The following LRRIQ3 variants were observed in gnomAD, a reference collection of about 807,000 sequenced individuals.
LRRIQ3 encodes leucine rich repeats and IQ motif containing 3.
A neutral mutation model predicts 59.3 loss-of-function variants in LRRIQ3; 75 were observed. The ratio of observed to expected loss-of-function variants is 1.26; its 90% CI spans 1.05 to 1.53. LRRIQ3 has a LOEUF of 1.53. Among genes scored for constraint, LRRIQ3 ranks in the 40% most tolerant of loss-of-function variants. The probability of loss-of-function intolerance (pLI) is 0.00; values close to 1 mark genes in which losing one functional copy is unlikely to be tolerated. For missense variants in LRRIQ3, 831 were observed against 710.0 expected, an observed-to-expected ratio of 1.17 and a Z score of -1.94; for synonymous variants, 250 against 231.3, an observed-to-expected ratio of 1.08 and a Z score of -0.73.
At chr1:74,115,681 T>C (rs541040347) in intron 4 of LRRIQ3, among the ~76,000 whole-genome samples, 1 of 152,222 alleles carries the variant, frequency 6.6e-6, no homozygotes, top group East Asian at 1.9e-4. Flanking sequence ...GGATCTTTCA[T>C]GAAATAACTC....
At chr1:74,134,486 C>T (rs751004281) in intron 4 of LRRIQ3, among the ~76,000 whole-genome samples, 9 of 151,782 alleles carry the variant, frequency 5.9e-5, no homozygotes, top group African/African-American at 1.9e-4. Context: ...TAAATACATA[C>T]GTTAATTTCA....
intron 6 of LRRIQ3, among the ~76,000 whole-genome samples, chr1:74,063,058 C>T (rs1444340424): frequency 8.1e-5 from 5 of 61,748 alleles, no homozygotes; most frequent in Non-Finnish European, 2.1e-4. Context: ...ACAACCACTA[C>T]CAAAGCAAAA....
intron 5 of LRRIQ3, among the ~76,000 whole-genome samples, chr1:74,087,352 C>T (rs1032357934): frequency 1.4e-4 from 14 of 97,274 alleles, no homozygotes; most frequent in Middle Eastern, 6.3e-3. Flanking sequence ...TTCCTCTGTT[C>T]TTCTGAATAG....
At chr1:74,180,712 A>T in intron 3 of LRRIQ3, 3 of 1,549,576 alleles carry the variant, frequency 1.9e-6, no homozygotes, top group Non-Finnish European at 2.6e-6. Flanking sequence ...ATCCCACCTC[A>T]TGACTCATTT....
intron 6 of LRRIQ3, among the ~76,000 whole-genome samples, chr1:74,045,885 G>C (rs144865379): frequency 1.5e-3 from 230 of 152,178 alleles, no homozygotes; most frequent in Non-Finnish European, 2.5e-3. Flanking sequence ...AAATACCTAG[G>C]AGTACAGCTA....
rs142613065 is a variant in LRRIQ3 at position 74,043,855 on chromosome 1, C to T, written c.998-1922G>A. ...AGGATTATATAATACCAGAAAAGAG[C>T]GACATATTTTTCCCCAACATATGCA... On this transcript the variant is annotated intron_variant, in intron 6 of 7. Coordinates refer to ENST00000354431, the MANE Select transcript of LRRIQ3 (RefSeq NM_001105659.2). Among the ~76,000 whole-genome samples, 12 of 152,066 alleles carry T rather than the reference C, an allele frequency of 7.9e-5. No individual in the cohort carries two copies. The East Asian group carries it at 1.6e-3, about 20-fold the overall frequency.
At chr1:74,184,669 T>C (rs1650240375) in intron 1 of LRRIQ3, among the ~76,000 whole-genome samples, 1 of 152,154 alleles carries the variant, frequency 6.6e-6, no homozygotes. Context: ...GGCAGATTCA[T>C]GGGCCCCATC....
At position 74,158,241 on chromosome 1, in the gene LRRIQ3, C is replaced by T. The variant is rs138609093; in HGVS notation, c.574-2375G>A. 3.0e-3 allele frequency among the ~76,000 whole-genome samples: 461 copies of T among 152,196 alleles called. 5 individuals carry two copies. The highest frequency in any genetic ancestry group is 0.011 in the African/African-American group (451 of 41,518). On this transcript the variant is annotated intron_variant, in intron 3 of 7. Coordinates refer to ENST00000354431, the MANE Select transcript of LRRIQ3 (RefSeq NM_001105659.2). ...TCCTGTTCCCCCACTTTCTCCAAAC[C>T]ATAAAATGCACTATTGCTAGATTGA... is the stretch of plus-strand genomic sequence containing the variant.
intron 4 of LRRIQ3, among the ~76,000 whole-genome samples, chr1:74,132,780 A>T (rs543784258): frequency 3.1e-3 from 475 of 152,284 alleles, no homozygotes; most frequent in Admixed American, 6.4e-3. Context: ...AACCTAGGCA[A>T]TACCATTCAG....
At chr1:74,156,286 A>G (rs1426889535) in intron 3 of LRRIQ3, among the ~76,000 whole-genome samples, 1 of 152,166 alleles carries the variant, frequency 6.6e-6, no homozygotes, top group East Asian at 1.9e-4. Flanking sequence ...GGCCCTTACC[A>G]GAAACAGATG....
At chr1:74,145,482 C>T (rs745409498) in intron 4 of LRRIQ3, among the ~76,000 whole-genome samples, 20 of 152,012 alleles carry the variant, frequency 1.3e-4, no homozygotes, top group South Asian at 4.1e-4. Context: ...AGTTAGCTTC[C>T]GCTGTTTGCA....
At chr1:74,150,530 A>C (rs1647865216) in intron 4 of LRRIQ3, among the ~76,000 whole-genome samples, 1 of 152,106 alleles carries the variant, frequency 6.6e-6, no homozygotes, top group African/African-American at 2.4e-5. Flanking sequence ...ATGTATATTA[A>C]TGTATTTTAA....
chr1:74,046,750 A>G (rs1279378188), intron 6 of LRRIQ3, among the ~76,000 whole-genome samples: 3 of 152,142 alleles, frequency 2.0e-5, no homozygotes, highest in Non-Finnish European at 2.9e-5. Context: ...ACAGATTTAC[A>G]AGAAAAAAAA....
chr1:74,133,954 C>T (rs1360355911), intron 4 of LRRIQ3, among the ~76,000 whole-genome samples: 1 of 151,894 alleles, frequency 6.6e-6, no homozygotes, highest in African/African-American at 2.4e-5. Flanking sequence ...TATGAAATGA[C>T]ACTCAATGCT....
At chr1:74,147,221 C>A (rs747261026) in intron 4 of LRRIQ3, among the ~76,000 whole-genome samples, 4 of 152,088 alleles carry the variant, frequency 2.6e-5, no homozygotes, top group Non-Finnish European at 4.4e-5. Flanking sequence ...AGGTAAGACT[C>A]TGCATCAAAA....
chr1:74,150,792 C>T (rs980291159), intron 4 of LRRIQ3, among the ~76,000 whole-genome samples: 2 of 152,048 alleles, frequency 1.3e-5, no homozygotes, highest in African/African-American at 4.8e-5. Flanking sequence ...AAATATTCAA[C>T]AATTTGAGGT....
At chr1:74,144,229 T>G (rs915215202) in intron 4 of LRRIQ3, among the ~76,000 whole-genome samples, 7 of 151,942 alleles carry the variant, frequency 4.6e-5, no homozygotes, top group Admixed American at 1.3e-4. Context: ...TTATAATCAG[T>G]GTCCCTTCAT....
intron 5 of LRRIQ3, among the ~76,000 whole-genome samples, chr1:74,098,648 T>C (rs2100534837): frequency 6.6e-6 from 1 of 152,264 alleles, no homozygotes; most frequent in African/African-American, 2.4e-5. Context: ...GACCATATAG[T>C]TGCAAGTAAA....
intron 6 of LRRIQ3, among the ~76,000 whole-genome samples, chr1:74,053,177 C>CAAAAAAAAAAAAAAAAA (rs11403724): frequency 9.9e-6 from 1 of 100,972 alleles, no homozygotes; most frequent in African/African-American, 4.3e-5. Flanking sequence ...CTCCACATGC[C>CAAAAAAAAAAAAAAAAA]AAAAAAAAAA....
Sources: allele counts gnomAD v4.1 joint callset (sites outside exome capture counted in the v4.1 genomes callset), GRCh38; gene constraint gnomAD v4.1.1; transcripts MANE v1.5; gene names NCBI Gene and HGNC (gene_info 2026-07-23, HGNC 2026-07-21).